STX7: variants seen among roughly 807,000 people sequenced by gnomAD.
STX7 encodes syntaxin 7.
A neutral mutation model predicts 39.6 loss-of-function variants in STX7; 34 were observed. The ratio of observed to expected loss-of-function variants is 0.86; its 90% CI spans 0.65 to 1.14. STX7 has a LOEUF of 1.14. Ranked by LOEUF, STX7 falls within the 50% of genes most tolerant of loss-of-function variation. STX7 has a pLI of 0.00. For synonymous variants in STX7, 119 were observed against 99.1 expected, an observed-to-expected ratio of 1.20 and a Z score of -1.19; for missense variants, 284 against 310.4, an observed-to-expected ratio of 0.92 and a Z score of 0.64.
At chr6:132,460,930 A>G in intron 9 of STX7, 80 bp from the exon 10 acceptor site, 1 of 1,235,658 alleles carries the variant, frequency 8.1e-7, no homozygotes. Context: ...ACTAAAAATA[A>G]TTTGGTTCAT....
rs952399076 is a variant in STX7, at chr6:132,454,302, G to A, written c.*6456C>T. The A allele has an allele frequency of 3.9e-5, 6 of 152,022 alleles. No homozygotes were observed. Among genetic ancestry groups the A allele is most frequent in the Non-Finnish European group, 5.9e-5 (4 of 67,964 alleles). 9.4% of individuals were successfully genotyped at this position (152,022 alleles called of 1,614,324 possible). A position where few individuals can be genotyped will look rare whatever the true frequency, so the allele number is the denominator to read the frequency against. ...AGAAGGGAGTAGGGATGGGAGTGAAGTGGGTATGGTCATCAAAAGCAAGAT... is the reference window on the plus strand; with the variant it reads ...AGAAGGGAGTAGGGATGGGAGTGAAATGGGTATGGTCATCAAAAGCAAGAT... On this transcript the variant is annotated 3_prime_UTR_variant, in exon 10 of 10. Transcript: ENST00000367941.
intron 9 of STX7, 26 bp from the exon 10 acceptor site, chr6:132,460,876 A>T (rs369581750): frequency 6.3e-7 from 1 of 1,596,172 alleles, no homozygotes; most frequent in African/African-American, 1.3e-5. Context: ...ACAAAACAAA[A>T]CAAAAAAACA....
chr6:132,479,251 A>G (rs1774953832), intron 2 of STX7, among the ~76,000 whole-genome samples: 2 of 152,206 alleles, frequency 1.3e-5, no homozygotes, highest in African/African-American at 4.8e-5. Context: ...TCAACTCCCA[A>G]AAAGAAAAGA....
chr6:132,473,442 T>C (rs1774786246), intron 3 of STX7, among the ~76,000 whole-genome samples: 1 of 151,820 alleles, frequency 6.6e-6, no homozygotes, highest in South Asian at 2.1e-4. Flanking sequence ...TTATTTATAA[T>C]ACCCAATACA....
chr6:132,506,036 G>T lies in STX7; in HGVS notation c.-58-2448C>A, dbSNP rs1435831574. ...TACATGGTGCTGGGAAAATTGGATCGCCCCATGCGGAAGAGTGAAACTGGA... is the reference window on the plus strand; with the variant it reads ...TACATGGTGCTGGGAAAATTGGATCTCCCCATGCGGAAGAGTGAAACTGGA... On this transcript the variant is annotated intron_variant, in intron 1 of 9. Coordinates refer to ENST00000367941, the MANE Select transcript of STX7 (RefSeq NM_003569.3). Among the ~76,000 whole-genome samples the T allele has an allele frequency of 7.8e-4, 118 of 151,410 alleles. 2 individuals are homozygous for T. The highest frequency in any genetic ancestry group is 8.8e-5 in the Non-Finnish European group (6 of 67,818).
rs1366034600 is a variant in STX7 at position 132,450,979 on chromosome 6, C to CAA, written c.*9777_*9778dup. ...ATCTACAAGATACATCATGGTTAAACAACTAAAAACTAAACACAAAGGAAA... is the reference window on the plus strand; with the variant it reads ...ATCTACAAGATACATCATGGTTAAACAAAACTAAAAACTAAACACAAAGGAAA... On this transcript the variant is annotated 3_prime_UTR_variant, in exon 10 of 10. Coordinates refer to ENST00000367941, the MANE Select transcript of STX7 (RefSeq NM_003569.3). 6.6e-6 allele frequency: 1 copy of CAA among 151,162 alleles called. No homozygotes were observed. Among genetic ancestry groups the CAA allele is most frequent in the Non-Finnish European group, 1.5e-5 (1 of 67,774 alleles). The allele number at this position is 151,162 out of a possible 1,614,324, so 9.4% of individuals were successfully genotyped here. A position where few individuals can be genotyped will look rare whatever the true frequency, so the allele number is the denominator to read the frequency against.
At chr6:132,476,029 T>C (rs1176783899) in intron 2 of STX7, among the ~76,000 whole-genome samples, 1 of 152,144 alleles carries the variant, frequency 6.6e-6, no homozygotes, top group Non-Finnish European at 1.5e-5. Context: ...TTCATTAGAA[T>C]ATAATATAAA....
At position 132,447,704 on chromosome 6, in the gene STX7, G is replaced by C. The variant is rs754124590; in HGVS notation, c.*13054C>G. Reference sequence around the variant, plus strand: ...CTTTAATATTTGTAAGGCTAATACTGATACAGCTATCCTAACCAGGTATAT... The same window carrying C: ...CTTTAATATTTGTAAGGCTAATACTCATACAGCTATCCTAACCAGGTATAT... On this transcript the variant is annotated 3_prime_UTR_variant, in exon 10 of 10. Transcript: ENST00000367941. 6.6e-6 allele frequency: 1 copy of C among 151,980 alleles called. No individual in the cohort carries two copies. The highest frequency in any genetic ancestry group is 1.5e-5 in the Non-Finnish European group (1 of 67,984). 9.4% of individuals were successfully genotyped at this position (151,980 alleles called of 1,614,324 possible).
At chr6:132,479,431 T>C (rs377028228) in intron 2 of STX7, among the ~76,000 whole-genome samples, 106 of 152,282 alleles carry the variant, frequency 7.0e-4, no homozygotes, top group African/African-American at 2.5e-3. Context: ...GAGCAAAACC[T>C]TCCTTTTGAG....
chr6:132,460,733 T>G lies in STX7; in HGVS notation c.*25A>C. ...TTCCTACATAATTTAGACAATGTAGTGCGACAGTGTGCTCCTTTATAACTT... is the reference window on the plus strand; with the variant it reads ...TTCCTACATAATTTAGACAATGTAGGGCGACAGTGTGCTCCTTTATAACTT... On this transcript the variant is annotated 3_prime_UTR_variant, in exon 10 of 10. Transcript: ENST00000367941. 1 of 1,501,284 alleles carries G rather than the reference T, an allele frequency of 6.7e-7. No individual in the cohort carries two copies. Among genetic ancestry groups the G allele is most frequent in the African/African-American group, 1.4e-5 (1 of 72,394 alleles). The allele number at this position is 1,501,284 out of a possible 1,614,324, so 93.0% of individuals were successfully genotyped here.
chr6:132,474,730 T>C (rs908583665), intron 3 of STX7, among the ~76,000 whole-genome samples: 9 of 152,232 alleles, frequency 5.9e-5, no homozygotes, highest in Non-Finnish European at 1.0e-4. Context: ...AAGGTTTAAA[T>C]GATAAAATAT....
At chr6:132,490,702 C>T (rs1775258095) in intron 2 of STX7, among the ~76,000 whole-genome samples, 1 of 152,082 alleles carries the variant, frequency 6.6e-6, no homozygotes, top group Non-Finnish European at 1.5e-5. Flanking sequence ...TGATCCCACC[C>T]AGAGTGAGAA....
chr6:132,488,412 C>A (rs1448124251), intron 2 of STX7, among the ~76,000 whole-genome samples: 1 of 152,146 alleles, frequency 6.6e-6, no homozygotes, highest in African/African-American at 2.4e-5. Context: ...GTGATTAGTA[C>A]TTTGAATCTT....
intron 2 of STX7, among the ~76,000 whole-genome samples, chr6:132,485,190 C>T (rs369390047): frequency 6.8e-4 from 104 of 152,280 alleles, no homozygotes; most frequent in African/African-American, 2.5e-3. Flanking sequence ...ATATCTGTTC[C>T]TTCCCCCCTC....
intron 2 of STX7, among the ~76,000 whole-genome samples, chr6:132,488,159 T>A (rs779921935): frequency 3.3e-5 from 5 of 152,238 alleles, no homozygotes; most frequent in Non-Finnish European, 5.9e-5. Flanking sequence ...TTATTTGAAA[T>A]GTGTTTGGTT....
At chr6:132,479,279 G>A (rs1774956040) in intron 2 of STX7, among the ~76,000 whole-genome samples, 1 of 152,080 alleles carries the variant, frequency 6.6e-6, no homozygotes, top group African/African-American at 2.4e-5. Context: ...GCGAGTTCAA[G>A]TGGTGGTATA....
At chr6:132,488,935 C>T (rs1237706647) in intron 2 of STX7, among the ~76,000 whole-genome samples, 2 of 152,100 alleles carry the variant, frequency 1.3e-5, no homozygotes, top group Non-Finnish European at 2.9e-5. Context: ...GGCGCAGTGG[C>T]TCGTGCCTGT....
At position 132,454,166 on chromosome 6, in the gene STX7, A is replaced by C. The variant is rs180854942; in HGVS notation, c.*6592T>G. 4.0e-4 allele frequency: 61 copies of C among 152,250 alleles called. No homozygotes were observed. The highest frequency in any genetic ancestry group is 1.4e-3 in the African/African-American group (58 of 41,572). The allele number at this position is 152,250 out of a possible 1,614,324, so 9.4% of individuals were successfully genotyped here. On this transcript the variant is annotated 3_prime_UTR_variant, in exon 10 of 10. Transcript: ENST00000367941. ...CAGAAAATCATGCTAAATGAAAAAA[A>C]GCCAATCCCAAAAGGTTACATATTA... is the stretch of plus-strand genomic sequence containing the variant.
chr6:132,475,723 A>C, intron 2 of STX7, 61 bp from the exon 3 acceptor site: 3 of 1,186,608 alleles, frequency 2.5e-6, no homozygotes, highest in Non-Finnish European at 3.6e-6. Context: ...AGAAAGAGTT[A>C]AAAATTAATA....
Sources: allele counts gnomAD v4.1 joint callset (sites outside exome capture counted in the v4.1 genomes callset), GRCh38; gene constraint gnomAD v4.1.1; transcripts MANE v1.5; gene names NCBI Gene and HGNC (gene_info 2026-07-23, HGNC 2026-07-21).